The following NBPF12 variants were observed in gnomAD, a reference collection of about 807,000 sequenced individuals.
The protein encoded by NBPF12 is NBPF family member NBPF12.
Under a neutral mutation model 146.4 loss-of-function variants are expected in NBPF12, and 115 were observed. The ratio of observed to expected loss-of-function variants is 0.79; its 90% CI spans 0.68 to 0.92. The LOEUF (loss-of-function observed/expected upper bound fraction) is 0.92. Ranked by LOEUF, NBPF12 falls within the 40% of genes least tolerant of loss-of-function variation. The probability of loss-of-function intolerance (pLI) is 0.00; values close to 1 mark genes in which losing one functional copy is unlikely to be tolerated. For synonymous variants in NBPF12, 385 were observed against 508.9 expected (o/e 0.76, Z 3.28); for missense variants, 1,205 against 1,326.8 (o/e 0.91, Z 1.43).
chr1:146,963,042 A>G, intron 5 of NBPF12, 53 bp from the exon 9 acceptor site: 1 of 1,607,606 alleles, frequency 6.2e-7, no homozygotes, highest in South Asian at 1.1e-5. Flanking sequence ...CAATATTTGA[A>G]CGGATCACTC....
chr1:146,969,335 C>G, intron 10 of NBPF12, 47 bp from the exon 14 acceptor site: 1 of 734,010 alleles, frequency 1.4e-6, no homozygotes, highest in Non-Finnish European at 2.4e-6. Context: ...TTGAACGGAT[C>G]ACTCAACCCT....
chr1:146,969,151 A>G (rs1656411639), intron 10 of NBPF12, among the ~76,000 whole-genome samples: 1 of 151,296 alleles, frequency 6.6e-6, no homozygotes, highest in African/African-American at 2.5e-5. Context: ...TACAGAAGGG[A>G]AAGATGAATG....
chr1:146,962,390 A>G (rs1320465829), intron 5 of NBPF12, 127 bp downstream of exon 8: 2 of 751,470 alleles, frequency 2.7e-6, no homozygotes, highest in Non-Finnish European at 4.7e-6. Flanking sequence ...TGGCAGGCTC[A>G]TGACACACAA....
At chr1:146,981,163 GA>G (rs1319677042) in intron 19 of NBPF12, among the ~76,000 whole-genome samples, 25 of 134,696 alleles carry the variant, frequency 1.9e-4, no homozygotes, top group African/African-American at 6.9e-4. Flanking sequence ...GTAGCATTAG[GA>G]GATATACCTA....
intron 1 of NBPF12, among the ~76,000 whole-genome samples, chr1:146,941,077 A>G (rs1411444705): frequency 6.6e-6 from 1 of 151,584 alleles, no homozygotes; most frequent in African/African-American, 2.4e-5. Context: ...TCATGAATGG[A>G]GATTCTCTAA....
chr1:146,965,723 C>T (rs1343624553), intron 8 of NBPF12, among the ~76,000 whole-genome samples: 3 of 136,344 alleles, frequency 2.2e-5, no homozygotes, highest in African/African-American at 2.8e-5. Flanking sequence ...ACCCAGGAAC[C>T]GGATCTTGCA....
intron 13 of NBPF12, 70 bp downstream of exon 16, chr1:146,971,464 G>T: frequency 8.2e-7 from 1 of 1,223,534 alleles, no homozygotes; most frequent in South Asian, 1.2e-5. Context: ...AGGACAGGCT[G>T]TATATACACA....
chr1:146,946,768 G>C (rs1256583009), upstream of NBPF12, among the ~76,000 whole-genome samples: 11 of 150,810 alleles, frequency 7.3e-5, no homozygotes, highest in Non-Finnish European at 1.3e-4. Context: ...TTGAACCCAG[G>C]ATCCCCGAGA....
intron 1 of NBPF12, among the ~76,000 whole-genome samples, chr1:146,939,252 G>A (rs1654682410): frequency 6.6e-6 from 1 of 152,066 alleles, no homozygotes; most frequent in Admixed American, 6.5e-5. Context: ...AGGGGGTGGA[G>A]GGACGGAGCA....
intron 1 of NBPF12, among the ~76,000 whole-genome samples, chr1:146,939,838 C>A (rs1378298194): frequency 3.3e-5 from 5 of 151,806 alleles, no homozygotes; most frequent in African/African-American, 1.2e-4. Flanking sequence ...AAAAAATTAG[C>A]CGGGAGTGGT....
At chr1:146,948,187 T>C (rs1445427893), upstream of NBPF12, among the ~76,000 whole-genome samples, 3 of 151,830 alleles carry the variant, frequency 2.0e-5, no homozygotes, top group Non-Finnish European at 4.4e-5. Context: ...ATGTTTGTAT[T>C]TTTGGTAGAG....
exon 22 of NBPF12, chr1:146,984,875 G>C (rs1431280090): frequency 8.3e-6 from 13 of 1,572,874 alleles, no homozygotes; most frequent in Non-Finnish European, 1.0e-5. Context: ...CTGGATAGAT[G>C]TTATTCAACT....
At chr1:146,939,149 TGC>T (rs1654675947) in intron 1 of NBPF12, among the ~76,000 whole-genome samples, 137 bp downstream of exon 1, 2 of 152,108 alleles carry the variant, frequency 1.3e-5, no homozygotes, top group South Asian at 4.2e-4. Flanking sequence ...CTAAGTTCCC[TGC>T]GCTTGATTCC....
intron 6 of NBPF12, 95 bp downstream of exon 9, chr1:146,963,404 T>G: frequency 3.7e-6 from 6 of 1,602,266 alleles, no homozygotes; most frequent in Non-Finnish European, 5.1e-6. Context: ...ATCAGTGGGG[T>G]TTTTTTCTAC....
At chr1:146,963,060 T>A in intron 5 of NBPF12, 35 bp from the exon 9 acceptor site, 3 of 1,610,574 alleles carry the variant, frequency 1.9e-6, no homozygotes, top group Non-Finnish European at 2.5e-6. Flanking sequence ...CTCAACGCTT[T>A]TCACTGTTAA....
At chr1:146,951,518 G>T (rs1655321538) in intron 2 of NBPF12, 29 bp downstream of exon 5, 1 of 592,068 alleles carries the variant, frequency 1.7e-6, no homozygotes, top group Admixed American at 3.0e-5. Context: ...AGAGCTTTCT[G>T]AAAGATGCTA....
upstream of NBPF12, among the ~76,000 whole-genome samples, chr1:146,945,223 A>T (rs1482604888): frequency 6.6e-6 from 1 of 150,976 alleles, no homozygotes; most frequent in African/African-American, 2.5e-5. Context: ...AATCTACATT[A>T]CTTATCAAAA....
intron 4 of NBPF12, among the ~76,000 whole-genome samples, chr1:146,960,695 T>C (rs1438050470): frequency 1.3e-5 from 2 of 151,928 alleles, no homozygotes; most frequent in Non-Finnish European, 2.9e-5. Context: ...TAGTGAACTT[T>C]TATTCAGTTC....
In NBPF12 at chr1:146,992,437, TCTC is replaced by T. The variant is rs1658234755; in HGVS notation, c.3849-274_3849-272del. On this transcript the variant is annotated intron_variant, in intron 31 of 33. Transcript: ENST00000617844. ...CCTGGACAATTCACTGAGCTCGTTC[TCTC>T]TCTCTCTCTCTCTCTCTCTCTCTGT... Among the ~76,000 whole-genome samples the T allele has an allele frequency of 1.1e-3, 84 of 76,988 alleles. 2 individuals carry two copies. The highest frequency in any genetic ancestry group is 5.0e-3 in the African/African-American group (82 of 16,370). The allele number at this position is 76,988 out of a possible 152,430, so 50.5% of individuals were successfully genotyped here.
Sources: gnomAD v4.1 joint callset for allele counts (sites outside exome capture counted in the v4.1 genomes callset) on GRCh38, gnomAD v4.1.1 for gene constraint, MANE v1.5 for transcripts, NCBI Gene and HGNC (gene_info 2026-07-23, HGNC 2026-07-21) for gene names.